Variants in ACSM2A observed in about 807,000 individuals in gnomAD.
The protein encoded by ACSM2A is acyl-CoA synthetase medium chain family member 2A.
Under a neutral mutation model 76.6 loss-of-function variants are expected in ACSM2A, and 72 were observed. That is an observed-to-expected ratio of 0.94 (90% CI 0.78 to 1.14). The LOEUF is 1.14. Among genes scored for constraint, ACSM2A ranks in the 50% most tolerant of loss-of-function variants. The pLI is 0.00. For synonymous variants in ACSM2A, 249 were observed against 255.9 expected, an observed-to-expected ratio of 0.97 and a Z score of 0.26; for missense variants, 684 against 708.5, an observed-to-expected ratio of 0.97 and a Z score of 0.39.
intron 6 of ACSM2A, among the ~76,000 whole-genome samples, chr16:20,472,689 T>C (rs529026426): frequency 1.3e-5 from 2 of 151,812 alleles, no homozygotes; most frequent in Non-Finnish European, 2.9e-5. Flanking sequence ...TCACCATAGA[T>C]TAATTTTATC....
intron 1 of ACSM2A, among the ~76,000 whole-genome samples, chr16:20,457,927 C>T (rs1290345495): frequency 6.6e-6 from 1 of 151,934 alleles, no homozygotes; most frequent in Non-Finnish European, 1.5e-5. Context: ...TTAAAGACTC[C>T]TCCAAAGAAC....
intron 3 of ACSM2A, among the ~76,000 whole-genome samples, chr16:20,467,713 C>T (rs2013098025): frequency 6.6e-6 from 1 of 152,066 alleles, no homozygotes; most frequent in Admixed American, 6.5e-5. Context: ...GAAAATATCA[C>T]AAGTTCAATT....
intron 3 of ACSM2A, among the ~76,000 whole-genome samples, chr16:20,467,925 T>C (rs1567363799): frequency 6.6e-6 from 1 of 151,980 alleles, no homozygotes; most frequent in Non-Finnish European, 1.5e-5. Flanking sequence ...CCACCTCTGC[T>C]TGCACACAGC....
chr16:20,479,859 C>T (rs1027658613), intron 10 of ACSM2A, among the ~76,000 whole-genome samples: 1 of 152,200 alleles, frequency 6.6e-6, no homozygotes, highest in Non-Finnish European at 1.5e-5. Context: ...TCAGTTCTAC[C>T]TTCTGTAATG....
intron 10 of ACSM2A, among the ~76,000 whole-genome samples, chr16:20,480,045 G>C (rs1596675273): frequency 6.6e-6 from 1 of 152,260 alleles, no homozygotes; most frequent in Middle Eastern, 3.4e-3. Context: ...CACTGACAAG[G>C]GATAAACCTC....
intron 5 of ACSM2A, 124 bp from the exon 6 acceptor site, chr16:20,471,412 C>T: frequency 6.7e-7 from 1 of 1,494,600 alleles, no homozygotes; most frequent in Non-Finnish European, 9.0e-7. Context: ...TGCCTATAAA[C>T]CTGCAGGCAG....
At chr16:20,462,815 T>C (rs1251283190) in intron 2 of ACSM2A, among the ~76,000 whole-genome samples, 2 of 151,960 alleles carry the variant, frequency 1.3e-5, no homozygotes, top group Non-Finnish European at 2.9e-5. Context: ...CAATTCCAAC[T>C]CTGGGTATAC....
intron 8 of ACSM2A, 45 bp from the exon 9 acceptor site, chr16:20,477,324 G>C (rs369416881): frequency 1.5e-5 from 23 of 1,581,144 alleles, no homozygotes; most frequent in African/African-American, 1.4e-4. Context: ...CTGTGACCTT[G>C]TACCTCCTCC....
At chr16:20,472,232 G>A (rs1250828801) in intron 6 of ACSM2A, among the ~76,000 whole-genome samples, 1 of 152,118 alleles carries the variant, frequency 6.6e-6, no homozygotes, top group South Asian at 2.1e-4. Flanking sequence ...CATAGTCTAG[G>A]TGGCTTAAAT....
intron 13 of ACSM2A, among the ~76,000 whole-genome samples, chr16:20,486,111 A>T (rs1245759489): frequency 6.6e-6 from 1 of 152,232 alleles, no homozygotes; most frequent in Non-Finnish European, 1.5e-5. Context: ...ACCACAGCTA[A>T]TATTTTTCAG....
intron 13 of ACSM2A, among the ~76,000 whole-genome samples, chr16:20,484,680 A>C (rs1192788274): frequency 2.0e-5 from 3 of 150,612 alleles, no homozygotes; most frequent in South Asian, 4.3e-4. Context: ...TGGGAACTCC[A>C]GCCAATCCCA....
At chr16:20,473,879 A>C (rs2013567696) in intron 6 of ACSM2A, 1 of 346,348 alleles carries the variant, frequency 2.9e-6, no homozygotes, top group South Asian at 2.3e-5. Context: ...CCAGTACCTA[A>C]AAGCTTCCTC....
At position 20,487,446 on chromosome 16, in the gene ACSM2A, T is replaced by C. The variant is rs895570936; in HGVS notation, c.*768T>C. ...ACCCCAAACCTTGGAACTGTCAGGG[T>C]CAGAGGGGAACCACCATTTATTAAG... is the stretch of plus-strand genomic sequence containing the variant. On this transcript the variant is annotated 3_prime_UTR_variant, in exon 14 of 14. Coordinates refer to ENST00000573854, the MANE Select transcript of ACSM2A (RefSeq NM_001308172.2). 2 of 152,150 alleles carry C rather than the reference T, an allele frequency of 1.3e-5. No homozygotes were observed. The highest frequency in any genetic ancestry group is 4.8e-5 in the African/African-American group (2 of 41,384). 9.4% of individuals were successfully genotyped at this position (152,150 alleles called of 1,614,324 possible). A position where few individuals can be genotyped will look rare whatever the true frequency, so the allele number is the denominator to read the frequency against.
chr16:20,486,625 G>C lies in ACSM2A; in HGVS notation c.1681G>C (p.Ala561Pro), dbSNP rs1054977. The part of the protein sequence containing the change: ...PKTVTGKIQR[A>P]KLRDKEWKMS... ...GACTGTCACAGGGAAAATTCAACGA[G>C]CCAAGCTTCGAGACAAGGAGTGGAA... Residue 561 changes from alanine to proline, a missense_variant, in exon 14 of 14, where the codon GCC (alanine) becomes CCC (proline). Transcript: ENST00000573854. The C allele has an allele frequency of 5.0e-6, 8 of 1,614,052 alleles. No homozygotes were observed. Among genetic ancestry groups the C allele is most frequent in the Non-Finnish European group, 6.8e-6 (8 of 1,180,020 alleles).
intron 2 of ACSM2A, among the ~76,000 whole-genome samples, chr16:20,462,080 C>G (rs36107463): frequency 2.0e-4 from 31 of 152,256 alleles, no homozygotes; most frequent in Admixed American, 3.9e-4. Flanking sequence ...GTGTCAGTAA[C>G]TTTTCCAGAA....
chr16:20,459,464 T>C (rs1472194305), intron 1 of ACSM2A, among the ~76,000 whole-genome samples: 1 of 152,216 alleles, frequency 6.6e-6, no homozygotes, highest in South Asian at 2.1e-4. Context: ...CTTTTAGTCA[T>C]GCATATTTTC....
chr16:20,466,512 G>T (rs2013006326), intron 3 of ACSM2A, among the ~76,000 whole-genome samples: 1 of 152,200 alleles, frequency 6.6e-6, no homozygotes, highest in Non-Finnish European at 1.5e-5. Context: ...AGACAGCCAA[G>T]TTGAAGGATG....
rs762621307 is a variant in ACSM2A, at chr16:20,465,632, C to T, written c.293C>T (p.Ser98Leu). Reference sequence around the variant, plus strand: ...AGCCAGCAGGCAGCCAACGTCCTCTCGGGAGCCTGTGGCCTGCAGCGTGGG... The same window carrying T: ...AGCCAGCAGGCAGCCAACGTCCTCTTGGGAGCCTGTGGCCTGCAGCGTGGG... ...ENSQQAANVLSGACGLQRGDR... is the reference protein window; with the variant it reads ...ENSQQAANVLLGACGLQRGDR... Residue 98 changes from serine to leucine, a missense_variant, in exon 3 of 14, where the codon TCG becomes TTG. Ser to Leu is a moderately radical substitution (Grantham distance 145, BLOSUM62 -2). This residue lies in a region of ACSM2A where 519 missense variants were observed against 549.5 expected (regional missense o/e 0.94). Transcript: ENST00000573854. 51 of 1,613,860 alleles carry T rather than the reference C, an allele frequency of 3.2e-5. No homozygotes were observed. Among genetic ancestry groups the T allele is most frequent in the South Asian group, 1.8e-4 (16 of 91,072 alleles).
chr16:20,480,869 C>G lies in ACSM2A; in HGVS notation c.1457C>G (p.Pro486Arg), dbSNP rs765142305. 7.4e-6 allele frequency: 12 copies of G among 1,613,926 alleles called. 1 individual carries two copies. In the Admixed American group the frequency reaches 1.5e-4, roughly 20 times the overall value. The change falls in exon 12 of 14, where the codon CCT (proline) becomes CGT (arginine). Residue 486 changes from proline (P) to arginine (R), a missense_variant. Transcript: ENST00000573854. The stretch of plus-strand genomic sequence containing the variant: ...GTAGAGAATGCACTGATGGAGCACC[C>G]TGCTGTGGTTGAGACGGCTGTGATC... ...SEVENALMEH[P>R]AVVETAVISS...
Sources: gnomAD v4.1 joint callset for allele counts (sites outside exome capture counted in the v4.1 genomes callset) on GRCh38, gnomAD v4.1.1 for gene constraint, gnomAD v4.1.1 regional missense constraint, MANE v1.5 for transcripts, NCBI Gene and HGNC (gene_info 2026-07-23, HGNC 2026-07-21) for gene names.